The following PARVA variants were observed in gnomAD, a reference collection of about 807,000 sequenced individuals.
PARVA encodes alpha-parvin.
PARVA carries 25 observed loss-of-function variants against 52.6 expected under a neutral mutation model. That is an observed-to-expected ratio of 0.48 (90% confidence interval 0.35 to 0.66). PARVA has a LOEUF of 0.66. Ranked by LOEUF, PARVA falls within the 30% of genes least tolerant of loss-of-function variation. PARVA has a pLI of 0.01. For synonymous variants in PARVA, 185 were observed against 179.1 expected, an observed-to-expected ratio of 1.03 and a Z score of -0.26; for missense variants, 373 against 450.9, an observed-to-expected ratio of 0.83 and a Z score of 1.56.
At chr11:12,518,809 T>G (rs1941604034) in intron 12 of PARVA, among the ~76,000 whole-genome samples, 1 of 152,224 alleles carries the variant, frequency 6.6e-6, no homozygotes, top group Admixed American at 6.5e-5. Context: ...CAGGTTTTCC[T>G]GTCCCTGCAC....
chr11:12,459,460 G>C (rs1255367249), intron 1 of PARVA, among the ~76,000 whole-genome samples: 2 of 151,952 alleles, frequency 1.3e-5, no homozygotes, highest in Non-Finnish European at 2.9e-5. Context: ...AATAGCGTGT[G>C]CCCTAACTCT....
intron 1 of PARVA, among the ~76,000 whole-genome samples, chr11:12,420,069 C>T (rs980738147): frequency 3.9e-5 from 6 of 152,274 alleles, no homozygotes; most frequent in African/African-American, 1.4e-4. Flanking sequence ...TCTCAAAATG[C>T]ATTCCTTGAA....
intron 1 of PARVA, among the ~76,000 whole-genome samples, chr11:12,415,905 C>T (rs1390169212): frequency 6.6e-6 from 1 of 152,196 alleles, no homozygotes; most frequent in Admixed American, 6.5e-5. Flanking sequence ...TCCCGCATAG[C>T]CCCCTGGATC....
At chr11:12,446,946 CTT>C (rs1246151210) in intron 1 of PARVA, among the ~76,000 whole-genome samples, 1 of 152,184 alleles carries the variant, frequency 6.6e-6, no homozygotes, top group East Asian at 1.9e-4. Flanking sequence ...TTGGTTGTGT[CTT>C]TAGAAAAATT....
Position 12,421,458 on chromosome 11 carries a change from T to G in PARVA, c.136+43675T>G, listed in dbSNP as rs115505431. 9.2e-3 allele frequency among the ~76,000 whole-genome samples: 1,398 copies of G among 152,254 alleles called. 30 individuals carry two copies. The highest frequency in any genetic ancestry group is 0.032 in the African/African-American group (1,309 of 41,518). ...TTCCAGAAAAATCCCAGCAACAGAT[T>G]TTTTTTCTTTAATCTGCCTTTTAAA... On this transcript the variant is annotated intron_variant, in intron 1 of 12. Coordinates refer to ENST00000334956, the MANE Select transcript of PARVA (RefSeq NM_018222.5).
At chr11:12,450,630 C>T (rs1940610165) in intron 1 of PARVA, among the ~76,000 whole-genome samples, 1 of 152,164 alleles carries the variant, frequency 6.6e-6, no homozygotes, top group Admixed American at 6.5e-5. Context: ...TAAAGTCTCA[C>T]AATAGGCTGT....
chr11:12,524,759 C>G (rs953522707), intron 12 of PARVA, among the ~76,000 whole-genome samples: 22 of 152,210 alleles, frequency 1.4e-4, no homozygotes, highest in African/African-American at 5.1e-4. Flanking sequence ...GGCAACCATT[C>G]ATTCATGGAT....
intron 6 of PARVA, 96 bp downstream of exon 6, chr11:12,504,525 C>T (rs1022904473): frequency 1.8e-5 from 13 of 734,736 alleles, no homozygotes; most frequent in Non-Finnish European, 3.1e-5. Context: ...AGGATGGCTG[C>T]ATGAATGTTG....
At chr11:12,455,581 C>A (rs569046678) in intron 1 of PARVA, among the ~76,000 whole-genome samples, 5 of 152,188 alleles carry the variant, frequency 3.3e-5, no homozygotes, top group Non-Finnish European at 5.9e-5. Flanking sequence ...TAGTAGAAAT[C>A]TATTGCTTAC....
intron 1 of PARVA, among the ~76,000 whole-genome samples, chr11:12,446,050 T>A (rs28722057): frequency 7.3e-6 from 1 of 137,624 alleles, no homozygotes; most frequent in Admixed American, 7.4e-5. Context: ...TAAAAAAAAA[T>A]ACACACCTTT....
intron 1 of PARVA, among the ~76,000 whole-genome samples, chr11:12,382,449 C>T (rs975503002): frequency 3.3e-5 from 5 of 149,294 alleles, no homozygotes; most frequent in African/African-American, 1.2e-4. Context: ...TGTCACAGAT[C>T]TCCAAAAATA....
At chr11:12,439,036 C>T (rs1435910293) in intron 1 of PARVA, among the ~76,000 whole-genome samples, 2 of 152,080 alleles carry the variant, frequency 1.3e-5, no homozygotes, top group East Asian at 1.9e-4. Flanking sequence ...TCAGAAGGGC[C>T]TAATGATATG....
chr11:12,434,814 A>G (rs762297852), intron 1 of PARVA, among the ~76,000 whole-genome samples: 10 of 152,114 alleles, frequency 6.6e-5, no homozygotes, highest in Non-Finnish European at 1.2e-4. Flanking sequence ...CAAACTGAGC[A>G]GTCCCCAACT....
At chr11:12,512,460 G>C (rs1387823862) in intron 8 of PARVA, among the ~76,000 whole-genome samples, 2 of 152,174 alleles carry the variant, frequency 1.3e-5, no homozygotes, top group South Asian at 2.1e-4. Context: ...CACCCTCCCA[G>C]CCCCAGGTTC....
intron 5 of PARVA, among the ~76,000 whole-genome samples, chr11:12,497,460 G>T (rs1941311940): frequency 6.6e-6 from 1 of 152,162 alleles, no homozygotes; most frequent in African/African-American, 2.4e-5. Context: ...TCAAACTTGG[G>T]AAAGCAAATG....
chr11:12,392,266 C>CAT (rs1220061282), intron 1 of PARVA, among the ~76,000 whole-genome samples: 1 of 136,214 alleles, frequency 7.3e-6, no homozygotes, highest in African/African-American at 2.7e-5. Context: ...TACTTCATTC[C>CAT]TTTTTTTTTT....
chr11:12,433,193 A>T (rs1564845746), intron 1 of PARVA, among the ~76,000 whole-genome samples: 2 of 152,174 alleles, frequency 1.3e-5, no homozygotes, highest in Non-Finnish European at 2.9e-5. Flanking sequence ...TACCCAGCTG[A>T]AACTTTCCCG....
At chr11:12,461,211 A>G (rs1445572814) in intron 1 of PARVA, among the ~76,000 whole-genome samples, 1 of 152,140 alleles carries the variant, frequency 6.6e-6, no homozygotes, top group Non-Finnish European at 1.5e-5. Context: ...ATGCCCATAC[A>G]TGCTTATGAA....
upstream of PARVA, chr11:12,377,542 TC>T (rs1939410770): frequency 6.8e-7 from 1 of 1,467,622 alleles, no homozygotes; most frequent in African/African-American, 1.5e-5. Flanking sequence ...TTGGAATAAT[TC>T]CGCTTCCGTT....
Sources: gnomAD v4.1 joint callset for allele counts (sites outside exome capture counted in the v4.1 genomes callset) on GRCh38, gnomAD v4.1.1 for gene constraint, MANE v1.5 for transcripts, NCBI Gene and HGNC (gene_info 2026-07-23, HGNC 2026-07-21) for gene names.